The following AUTS2 variants were observed in gnomAD, a reference collection of about 807,000 sequenced individuals.
The protein encoded by AUTS2 is autism susceptibility gene 2 protein.
In AUTS2, 17 loss-of-function variants were observed where a neutral mutation model predicts 112.4. The observed-to-expected ratio is 0.15, with a 90% CI of 0.10 to 0.23. AUTS2 has a LOEUF of 0.23. Among genes scored for constraint, AUTS2 ranks in the 10% least tolerant of loss-of-function variants. The pLI is 1.00. For synonymous variants in AUTS2, 751 were observed against 702.7 expected (o/e 1.07, Z -1.09); for missense variants, 1,510 against 1,701.6 (o/e 0.89, Z 1.98).
intron 5 of AUTS2, among the ~76,000 whole-genome samples, chr7:70,585,428 C>A (rs1802636093): frequency 6.6e-6 from 1 of 152,208 alleles, no homozygotes; most frequent in African/African-American, 2.4e-5. Context: ...CCCTATTTGA[C>A]TGACCAGGAA....
At chr7:70,572,692 C>T (rs865815023) in intron 5 of AUTS2, among the ~76,000 whole-genome samples, 25 of 152,144 alleles carry the variant, frequency 1.6e-4, no homozygotes, top group Middle Eastern at 3.4e-3. Flanking sequence ...CTGCCAGTGT[C>T]GGGATGTGGT....
chr7:69,825,730 A>G (rs900957782), intron 1 of AUTS2: 1 of 152,112 alleles, frequency 6.6e-6, no homozygotes, highest in Non-Finnish European at 1.5e-5. Context: ...TTTCTCCTTC[A>G]GTGGTCCGTA....
intron 4 of AUTS2, among the ~76,000 whole-genome samples, chr7:70,140,537 C>G (rs945772348): frequency 6.6e-6 from 1 of 152,170 alleles, no homozygotes; most frequent in African/African-American, 2.4e-5. Flanking sequence ...AAGAAACTGT[C>G]TTCTTCCCCA....
chr7:69,644,158 G>T (rs1014162654), intron 1 of AUTS2, among the ~76,000 whole-genome samples: 6 of 152,166 alleles, frequency 3.9e-5, no homozygotes, highest in Non-Finnish European at 5.9e-5. Context: ...CCTGAGCTAA[G>T]ACAGGCCCTG....
At chr7:70,687,172 A>C (rs1808513764) in intron 5 of AUTS2, among the ~76,000 whole-genome samples, 1 of 152,190 alleles carries the variant, frequency 6.6e-6, no homozygotes, top group African/African-American at 2.4e-5. Context: ...ACTCAATATG[A>C]AATGCAGGTC....
intron 2 of AUTS2, among the ~76,000 whole-genome samples, chr7:70,087,140 C>G (rs907592104): frequency 3.3e-5 from 5 of 151,768 alleles, no homozygotes; most frequent in African/African-American, 1.2e-4. Context: ...AAAGAAGTCC[C>G]TTTCTATTTC....
chr7:69,757,098 C>T (rs10085775), intron 1 of AUTS2, among the ~76,000 whole-genome samples: 108,761 of 152,114 alleles, frequency 0.71, 38,952 homozygotes, highest in East Asian at 0.78. Context: ...TCCTTCCTTC[C>T]CTTTTCTGCC....
At chr7:70,581,231 A>G (rs1375226882) in intron 5 of AUTS2, among the ~76,000 whole-genome samples, 1 of 152,072 alleles carries the variant, frequency 6.6e-6, no homozygotes, top group African/African-American at 2.4e-5. Flanking sequence ...TAAAAATACA[A>G]AAAAATTTGC....
chr7:69,925,408 T>C (rs1479830615), intron 2 of AUTS2, among the ~76,000 whole-genome samples: 1 of 152,226 alleles, frequency 6.6e-6, no homozygotes, highest in Non-Finnish European at 1.5e-5. Context: ...AATATTACTT[T>C]AGCAGCACCC....
intron 5 of AUTS2, among the ~76,000 whole-genome samples, chr7:70,618,966 A>G (rs898655894): frequency 6.6e-6 from 1 of 152,196 alleles, no homozygotes; most frequent in Non-Finnish European, 1.5e-5. Context: ...CAGTTAGATC[A>G]GAACAATACA....
At chr7:69,678,715 A>G (rs1372109826) in intron 1 of AUTS2, among the ~76,000 whole-genome samples, 1 of 152,206 alleles carries the variant, frequency 6.6e-6, no homozygotes, top group African/African-American at 2.4e-5. Context: ...ATATTGCCAG[A>G]TAGCACACAA....
intron 4 of AUTS2, among the ~76,000 whole-genome samples, chr7:70,418,907 A>G (rs756890045): frequency 2.1e-4 from 32 of 151,694 alleles, no homozygotes; most frequent in Non-Finnish European, 4.4e-4. Flanking sequence ...AATATTGTAT[A>G]TATAACTCTA....
At chr7:70,400,941 G>A (rs989531445) in intron 4 of AUTS2, among the ~76,000 whole-genome samples, 12 of 152,132 alleles carry the variant, frequency 7.9e-5, no homozygotes, top group South Asian at 6.2e-4. Flanking sequence ...TGGCAGCAGC[G>A]TACAAGATGG....
At chr7:70,334,526 A>C (rs919021398) in intron 4 of AUTS2, among the ~76,000 whole-genome samples, 1 of 152,148 alleles carries the variant, frequency 6.6e-6, no homozygotes, top group African/African-American at 2.4e-5. Flanking sequence ...AGTACAGGCA[A>C]GGGCAGATTC....
chr7:70,591,428 T>C (rs1802940694), intron 5 of AUTS2, among the ~76,000 whole-genome samples: 1 of 149,850 alleles, frequency 6.7e-6, no homozygotes, highest in African/African-American at 2.5e-5. Context: ...AGACAGGGTC[T>C]CACTCTGTCC....
At chr7:69,644,571 G>T (rs1794941479) in intron 1 of AUTS2, among the ~76,000 whole-genome samples, 1 of 151,538 alleles carries the variant, frequency 6.6e-6, no homozygotes, top group Admixed American at 6.6e-5. Flanking sequence ...GATGTAGAGG[G>T]CTCAGTAGCC....
chr7:70,566,811 A>T (rs1461934245), intron 5 of AUTS2, among the ~76,000 whole-genome samples: 2 of 152,236 alleles, frequency 1.3e-5, no homozygotes, highest in Non-Finnish European at 2.9e-5. Flanking sequence ...TAATATATCC[A>T]CTGGCATTAA....
intron 1 of AUTS2, among the ~76,000 whole-genome samples, chr7:69,869,700 A>C (rs773989141): frequency 2.6e-5 from 4 of 152,108 alleles, no homozygotes; most frequent in Admixed American, 6.6e-5. Flanking sequence ...ATGATGGGGT[A>C]AGGAGGCTAA....
intron 5 of AUTS2, among the ~76,000 whole-genome samples, chr7:70,444,852 T>A (rs1228004213): frequency 1.3e-5 from 2 of 152,290 alleles, no homozygotes; most frequent in Non-Finnish European, 2.9e-5. Context: ...TGGGTGGTTG[T>A]AGTACTCAAG....
Sources: allele counts gnomAD v4.1 joint callset (sites outside exome capture counted in the v4.1 genomes callset), GRCh38; gene constraint gnomAD v4.1.1; transcripts MANE v1.5; gene names NCBI Gene and HGNC (gene_info 2026-07-23, HGNC 2026-07-21).